DGKB: variants seen among roughly 807,000 people sequenced by gnomAD.
DGKB encodes 90 kDa diacylglycerol kinase.
In DGKB, 67 loss-of-function variants were observed where a neutral mutation model predicts 114.3. That is an observed-to-expected ratio of 0.59 (90% CI 0.48 to 0.72). The LOEUF is 0.72. DGKB is among the 30% of genes least tolerant of loss of function. DGKB has a pLI of 0.00. For synonymous variants in DGKB, 398 were observed against 323.1 expected (o/e 1.23, Z -2.49); for missense variants, 907 against 975.2 (o/e 0.93, Z 0.93).
At chr7:14,717,525 T>C (rs1442585610) in intron 6 of DGKB, among the ~76,000 whole-genome samples, 1 of 152,174 alleles carries the variant, frequency 6.6e-6, no homozygotes, top group East Asian at 1.9e-4. Context: ...TCATATGGTT[T>C]ATTCATAACC....
chr7:14,313,790 G>C (rs1489341021), intron 23 of DGKB, among the ~76,000 whole-genome samples: 1 of 152,184 alleles, frequency 6.6e-6, no homozygotes, highest in African/African-American at 2.4e-5. Context: ...ACAGCTCAAG[G>C]AGGCCTGCCT....
intron 23 of DGKB, among the ~76,000 whole-genome samples, chr7:14,241,999 C>T (rs1360556779): frequency 6.7e-6 from 1 of 149,638 alleles, no homozygotes; most frequent in East Asian, 2.0e-4. Flanking sequence ...TATATATATA[C>T]ACAAAAGTGA....
At chr7:14,605,363 A>G (rs1483822322) in intron 17 of DGKB, among the ~76,000 whole-genome samples, 2 of 126,404 alleles carry the variant, frequency 1.6e-5, no homozygotes, top group Non-Finnish European at 3.3e-5. Context: ...TCATATATAT[A>G]TACTATATAT....
chr7:14,450,235 T>A (rs1362387875), intron 21 of DGKB, among the ~76,000 whole-genome samples: 1 of 152,094 alleles, frequency 6.6e-6, no homozygotes. Flanking sequence ...CTCCTACCAA[T>A]TATGTCAACA....
Position 14,264,004 on chromosome 7 carries a change from G to C in DGKB, c.2122+74511C>G, listed in dbSNP as rs997190397. On this transcript the variant is annotated intron_variant, in intron 23 of 25. Transcript: ENST00000402815. The stretch of plus-strand genomic sequence containing the variant: ...TATCAAGATTTTTGTAATAGGGAGA[G>C]CCTCTGTGGTTTGAAGTTTGTAGAG... Among the ~76,000 whole-genome samples the C allele has an allele frequency of 1.3e-5, 2 of 152,082 alleles. 1 individual carries two copies. The highest frequency in any genetic ancestry group is 4.2e-4 in the South Asian group (2 of 4,818).
chr7:14,218,922 C>T (rs1312115372), intron 23 of DGKB, among the ~76,000 whole-genome samples: 4 of 151,814 alleles, frequency 2.6e-5, no homozygotes. Context: ...AATCCCCCAC[C>T]TCTCACCCTC....
intron 9 of DGKB, among the ~76,000 whole-genome samples, chr7:14,690,957 C>A (rs1289555698): frequency 6.6e-6 from 1 of 152,116 alleles, no homozygotes; most frequent in Non-Finnish European, 1.5e-5. Flanking sequence ...CACTCTATAC[C>A]ATTTCTGACC....
intron 23 of DGKB, among the ~76,000 whole-genome samples, chr7:14,294,831 A>G (rs1802284728): frequency 6.6e-6 from 1 of 152,176 alleles, no homozygotes; most frequent in Non-Finnish European, 1.5e-5. Flanking sequence ...TAGTTTAATG[A>G]GATAATCAGA....
intron 23 of DGKB, among the ~76,000 whole-genome samples, chr7:14,220,084 G>A (rs1789676573): frequency 6.6e-6 from 1 of 151,536 alleles, no homozygotes; most frequent in Admixed American, 6.6e-5. Flanking sequence ...AGGCTAAATG[G>A]GATAGTCTAT....
intron 5 of DGKB, among the ~76,000 whole-genome samples, chr7:14,730,755 A>T (rs373300951): frequency 2.0e-5 from 3 of 152,264 alleles, no homozygotes; most frequent in African/African-American, 7.2e-5. Flanking sequence ...GGTGGGGATG[A>T]CTGCAACTCC....
At chr7:14,339,958 C>CA (rs1225460404) in intron 22 of DGKB, among the ~76,000 whole-genome samples, 5 of 151,086 alleles carry the variant, frequency 3.3e-5, no homozygotes, top group Admixed American at 6.6e-5. Flanking sequence ...CAAAACAAAA[C>CA]AAAAAAAAGC....
intron 23 of DGKB, among the ~76,000 whole-genome samples, chr7:14,333,814 A>G (rs958427934): frequency 6.6e-6 from 1 of 152,220 alleles, no homozygotes; most frequent in Non-Finnish European, 1.5e-5. Context: ...TTCACTTTCA[A>G]CAAAACAAAT....
intron 25 of DGKB, among the ~76,000 whole-genome samples, chr7:14,172,322 G>C (rs1365135992): frequency 6.6e-6 from 1 of 152,196 alleles, no homozygotes; most frequent in Non-Finnish European, 1.5e-5. Flanking sequence ...TATTCTGATA[G>C]AAATGTGAAG....
At chr7:14,276,785 A>G (rs1799067280) in intron 23 of DGKB, among the ~76,000 whole-genome samples, 1 of 151,914 alleles carries the variant, frequency 6.6e-6, no homozygotes, top group South Asian at 2.1e-4. Flanking sequence ...TACTATCATG[A>G]CCTTTAATTT....
intron 23 of DGKB, among the ~76,000 whole-genome samples, chr7:14,318,538 G>C (rs550283488): frequency 3.3e-5 from 5 of 152,296 alleles, no homozygotes; most frequent in African/African-American, 1.2e-4. Context: ...ATGAAAAAAT[G>C]CTCACCATCA....
intron 13 of DGKB, among the ~76,000 whole-genome samples, chr7:14,661,606 A>C (rs1425650334): frequency 6.6e-6 from 1 of 152,044 alleles, no homozygotes; most frequent in Non-Finnish European, 1.5e-5. Flanking sequence ...CACTGCTGGT[A>C]GGACTGTAAA....
intron 9 of DGKB, among the ~76,000 whole-genome samples, chr7:14,690,035 CA>C: frequency 6.6e-6 from 1 of 152,238 alleles, no homozygotes; most frequent in East Asian, 1.9e-4. Context: ...GATGTGGGTA[CA>C]ACAATCCACA....
At chr7:14,927,653 G>A (rs953326468) in intron 1 of DGKB, among the ~76,000 whole-genome samples, 2 of 151,854 alleles carry the variant, frequency 1.3e-5, no homozygotes, top group East Asian at 1.9e-4. Context: ...TGCTTTTTAT[G>A]AAGAAAAATA....
chr7:14,833,484 G>A (rs1016729622), intron 2 of DGKB, among the ~76,000 whole-genome samples: 10 of 152,090 alleles, frequency 6.6e-5, no homozygotes, highest in African/African-American at 2.4e-4. Flanking sequence ...AATAGGAAAA[G>A]CTAGACTCCA....
Sources: gnomAD v4.1 joint callset for allele counts (sites outside exome capture counted in the v4.1 genomes callset) on GRCh38, gnomAD v4.1.1 for gene constraint, MANE v1.5 for transcripts, NCBI Gene and HGNC (gene_info 2026-07-23, HGNC 2026-07-21) for gene names.